ENOX1: variants seen among roughly 807,000 people sequenced by gnomAD.
The protein encoded by ENOX1 is ecto-NOX disulfide-thiol exchanger 1.
A neutral mutation model predicts 82.5 loss-of-function variants in ENOX1; 42 were observed. The ratio of observed to expected loss-of-function variants is 0.51; its 90% CI spans 0.40 to 0.66. The LOEUF is 0.66. ENOX1 is among the 30% of genes least tolerant of loss of function. ENOX1 has a pLI of 0.00. For missense variants in ENOX1, 608 were observed against 811.6 expected (o/e 0.75, Z 3.05); for synonymous variants, 271 against 282.2 (o/e 0.96, Z 0.40).
chr13:43,746,160 T>C lies in ENOX1; in HGVS notation c.-285+40492A>G, dbSNP rs543688056. On this transcript the variant is annotated intron_variant, in intron 1 of 16. Coordinates refer to ENST00000690772, the MANE Select transcript of ENOX1 (RefSeq NM_001347969.2). ...TCATATTTATATGAATATAAACAAC[T>C]ATATTAATATATGTCAGTGTGTACA... Among the ~76,000 whole-genome samples, 257 of 152,222 alleles carry C rather than the reference T, an allele frequency of 1.7e-3. 1 individual carries two copies. The highest frequency in any genetic ancestry group is 6.8e-3 in the Middle Eastern group (2 of 294).
At chr13:43,761,831 T>C (rs1471408725) in intron 1 of ENOX1, among the ~76,000 whole-genome samples, 3 of 152,158 alleles carry the variant, frequency 2.0e-5, no homozygotes, top group African/African-American at 7.2e-5. Flanking sequence ...TCATTCCAAG[T>C]AGTCAGCTGT....
chr13:43,434,615 G>A (rs2055880404), intron 3 of ENOX1, among the ~76,000 whole-genome samples: 1 of 152,138 alleles, frequency 6.6e-6, no homozygotes, highest in Admixed American at 6.5e-5. Context: ...ATTTTTAATA[G>A]CTATATTTGC....
intron 15 of ENOX1, among the ~76,000 whole-genome samples, chr13:43,225,013 A>C (rs1464957139): frequency 6.6e-6 from 1 of 152,196 alleles, no homozygotes; most frequent in Non-Finnish European, 1.5e-5. Context: ...AAAAACATGG[A>C]ATCAGCTCAG....
At chr13:43,347,435 T>C (rs945483883) in intron 8 of ENOX1, among the ~76,000 whole-genome samples, 1 of 152,202 alleles carries the variant, frequency 6.6e-6, no homozygotes, top group South Asian at 2.1e-4. Flanking sequence ...CGATATATGA[T>C]TGATGTACTG....
At chr13:43,511,396 CA>C (rs2077362683) in intron 2 of ENOX1, among the ~76,000 whole-genome samples, 1 of 152,102 alleles carries the variant, frequency 6.6e-6, no homozygotes, top group Non-Finnish European at 1.5e-5. Context: ...ATTAACTGCA[CA>C]ATAGAGTTCA....
intron 2 of ENOX1, among the ~76,000 whole-genome samples, chr13:43,659,930 C>G (rs1365833384): frequency 1.3e-5 from 2 of 152,172 alleles, no homozygotes; most frequent in Non-Finnish European, 2.9e-5. Flanking sequence ...CCACTTTTAA[C>G]CTTTCCTGAT....
chr13:43,315,664 A>G (rs117357821), intron 11 of ENOX1, among the ~76,000 whole-genome samples: 4,921 of 152,330 alleles, frequency 0.032, 124 homozygotes, highest in Admixed American at 0.059. Flanking sequence ...AAGAGTGTCG[A>G]TAAAATGACA....
At position 43,431,159 on chromosome 13, in the gene ENOX1, G is replaced by C. The variant is rs567803037; in HGVS notation, c.-74-18171C>G. ...TCATAGGGCTTAGGTTTTCAGCTTC[G>C]CAGAAACAGACACAGTTTCCCATCC... On this transcript the variant is annotated intron_variant, in intron 3 of 16. Coordinates refer to ENST00000690772, the MANE Select transcript of ENOX1 (RefSeq NM_001347969.2). Among the ~76,000 whole-genome samples the C allele has an allele frequency of 7.2e-4, 110 of 152,230 alleles. 1 individual carries two copies. Among genetic ancestry groups the C allele is most frequent in the Non-Finnish European group, 9.4e-4 (64 of 68,012 alleles).
At chr13:43,717,581 A>G (rs1478807084) in intron 1 of ENOX1, among the ~76,000 whole-genome samples, 2 of 152,224 alleles carry the variant, frequency 1.3e-5, no homozygotes, top group East Asian at 3.9e-4. Flanking sequence ...AGAGCAAAAG[A>G]AACTATCAAC....
At chr13:43,572,327 TAACAA>T (rs1424634644) in intron 2 of ENOX1, among the ~76,000 whole-genome samples, 1 of 152,144 alleles carries the variant, frequency 6.6e-6, no homozygotes, top group Non-Finnish European at 1.5e-5. Flanking sequence ...TTGGCTCAAA[TAACAA>T]AACAGAGACC....
intron 1 of ENOX1, among the ~76,000 whole-genome samples, chr13:43,754,097 T>TGTATACGTATATGTATACATAA (rs1950494455): frequency 9.9e-5 from 2 of 20,142 alleles, no homozygotes; most frequent in Non-Finnish European, 6.0e-4. Context: ...TACGTATATA[T>TGTATACGTATATGTATACATAA]GTATACGTAT....
intron 11 of ENOX1, among the ~76,000 whole-genome samples, chr13:43,299,624 G>A (rs1306308676): frequency 6.6e-6 from 1 of 152,118 alleles, no homozygotes; most frequent in Non-Finnish European, 1.5e-5. Context: ...ATCGGTCCAT[G>A]TGTTTAGTTC....
At chr13:43,406,999 T>G (rs1333191692) in intron 5 of ENOX1, among the ~76,000 whole-genome samples, 5 of 152,218 alleles carry the variant, frequency 3.3e-5, no homozygotes, top group Non-Finnish European at 5.9e-5. Context: ...TTAGTTCCCA[T>G]GCAGGCCTGG....
At chr13:43,264,871 C>A (rs764584636) in intron 14 of ENOX1, among the ~76,000 whole-genome samples, 1 of 152,186 alleles carries the variant, frequency 6.6e-6, no homozygotes, top group Non-Finnish European at 1.5e-5. Flanking sequence ...TAACTGGGAT[C>A]TTGTACCATC....
At chr13:43,372,586 A>G (rs1339780497) in intron 5 of ENOX1, among the ~76,000 whole-genome samples, 1 of 152,206 alleles carries the variant, frequency 6.6e-6, no homozygotes, top group South Asian at 2.1e-4. Context: ...TCAGGGGAAT[A>G]CTACAACCTA....
At chr13:43,379,000 T>G (rs2051840174) in intron 5 of ENOX1, among the ~76,000 whole-genome samples, 1 of 152,062 alleles carries the variant, frequency 6.6e-6, no homozygotes, top group Non-Finnish European at 1.5e-5. Flanking sequence ...ATTTGATGTA[T>G]GAAGAATTCA....
chr13:43,300,980 C>T (rs2046542718), intron 11 of ENOX1, among the ~76,000 whole-genome samples: 1 of 152,052 alleles, frequency 6.6e-6, no homozygotes, highest in African/African-American at 2.4e-5. Context: ...CCCTGAGATA[C>T]CACCTCCTGA....
intron 2 of ENOX1, among the ~76,000 whole-genome samples, chr13:43,624,626 A>G (rs992838922): frequency 2.0e-5 from 3 of 152,164 alleles, no homozygotes; most frequent in Non-Finnish European, 2.9e-5. Flanking sequence ...AAATTGCTCC[A>G]GAACCATTTA....
chr13:43,368,722 G>A (rs1594177442), intron 5 of ENOX1, among the ~76,000 whole-genome samples: 2 of 152,318 alleles, frequency 1.3e-5, no homozygotes, highest in Non-Finnish European at 1.5e-5. Flanking sequence ...ACAACCAGGT[G>A]TGGAGGGGTT....
Sources: allele counts gnomAD v4.1 joint callset (sites outside exome capture counted in the v4.1 genomes callset), GRCh38; gene constraint gnomAD v4.1.1; transcripts MANE v1.5; gene names NCBI Gene and HGNC (gene_info 2026-07-23, HGNC 2026-07-21).